RALYL: variants seen among roughly 807,000 people sequenced by gnomAD.
RALYL encodes RNA-binding Raly-like protein.
In RALYL, 29 loss-of-function variants were observed where a neutral mutation model predicts 35.1. That is an observed-to-expected ratio of 0.83 (90% CI 0.61 to 1.13). The LOEUF (loss-of-function observed/expected upper bound fraction) is 1.13, where lower values mean the gene tolerates loss of function less well. RALYL is among the 50% of genes most tolerant of loss of function. RALYL has a pLI of 0.00. For synonymous variants in RALYL, 120 were observed against 127.6 expected (o/e 0.94, Z 0.40); for missense variants, 359 against 360.4 (o/e 1.00, Z 0.03).
chr8:84,356,869 TGGATTCTTGCAAA>T (rs1206938420), intron 1 of RALYL, among the ~76,000 whole-genome samples: 384 of 134,532 alleles, frequency 2.9e-3, no homozygotes, highest in African/African-American at 9.8e-3. Context: ...TTGAGGTAAT[TGGATTCTTGCAAA>T]TATATATATA....
intron 3 of RALYL, among the ~76,000 whole-genome samples, chr8:84,796,617 G>C (rs553155344): frequency 2.0e-5 from 3 of 152,242 alleles, no homozygotes; most frequent in South Asian, 4.1e-4. Context: ...CATTTACCTT[G>C]TAACAAAGCT....
chr8:84,750,932 G>A (rs1027145788), intron 2 of RALYL, among the ~76,000 whole-genome samples: 1 of 152,106 alleles, frequency 6.6e-6, no homozygotes, highest in East Asian at 1.9e-4. Context: ...AACAGAAAAT[G>A]AACTAAGACT....
intron 1 of RALYL, among the ~76,000 whole-genome samples, chr8:84,308,790 A>G (rs182459452): frequency 3.3e-5 from 5 of 152,328 alleles, no homozygotes; most frequent in Admixed American, 2.6e-4. Context: ...GAATTTAACT[A>G]TTGAAAGAAA....
chr8:84,477,349 A>G (rs1329098542), intron 1 of RALYL, among the ~76,000 whole-genome samples: 3 of 143,124 alleles, frequency 2.1e-5, no homozygotes, highest in Non-Finnish European at 3.1e-5. Context: ...GTATCCATCT[A>G]TCTATTGATT....
At chr8:84,701,770 G>A (rs1001332035) in intron 2 of RALYL, among the ~76,000 whole-genome samples, 1 of 152,122 alleles carries the variant, frequency 6.6e-6, no homozygotes, top group African/African-American at 2.4e-5. Context: ...CTGCCGGGAA[G>A]CCAGAAGCCC....
chr8:84,898,426 G>GTGGA (rs1845124837), intron 8 of RALYL, among the ~76,000 whole-genome samples: 1 of 152,266 alleles, frequency 6.6e-6, no homozygotes, highest in Admixed American at 6.5e-5. Flanking sequence ...GTTTCAGAAG[G>GTGGA]TGGAGCCCAG....
chr8:84,481,647 AAAAG>A (rs1159712936), intron 1 of RALYL, among the ~76,000 whole-genome samples: 2 of 152,188 alleles, frequency 1.3e-5, no homozygotes, highest in African/African-American at 2.4e-5. Context: ...TCGGCAATAA[AAAAG>A]AAAGAATAGA....
chr8:84,882,649 T>A (rs1375391671), intron 7 of RALYL, among the ~76,000 whole-genome samples: 1 of 151,978 alleles, frequency 6.6e-6, no homozygotes, highest in African/African-American at 2.4e-5. Context: ...AGGGTCTGAG[T>A]TAGCCACCAG....
intron 1 of RALYL, among the ~76,000 whole-genome samples, chr8:84,353,453 A>G (rs1417030427): frequency 6.7e-6 from 1 of 150,358 alleles, no homozygotes; most frequent in Non-Finnish European, 1.5e-5. Context: ...CACTATTTTC[A>G]ATCACAAGAC....
In RALYL at chr8:84,183,609, T is replaced by G. The variant is rs1019629342; in HGVS notation, c.-839T>G. 2.6e-5 allele frequency: 4 copies of G among 152,464 alleles called. No individual in the cohort carries two copies. The highest frequency in any genetic ancestry group is 9.6e-5 in the African/African-American group (4 of 41,476). 9.4% of individuals were successfully genotyped at this position (152,464 alleles called of 1,614,324 possible). A position where few individuals can be genotyped will look rare whatever the true frequency, so the allele number is the denominator to read the frequency against. On this transcript the variant is annotated 5_prime_UTR_variant, in exon 1 of 9. Transcript: ENST00000521268. ...TACCTTCTCAGTGGCATTCTTGTCCTATTCTTTTTTTTGTCCTTTTTTTTG... is the reference window on the plus strand; with the variant it reads ...TACCTTCTCAGTGGCATTCTTGTCCGATTCTTTTTTTTGTCCTTTTTTTTG...
intron 1 of RALYL, among the ~76,000 whole-genome samples, chr8:84,265,883 A>G (rs567975937): frequency 6.6e-6 from 1 of 152,072 alleles, no homozygotes; most frequent in African/African-American, 2.4e-5. Flanking sequence ...AGTAGTTCCA[A>G]TTCTCATATT....
intron 1 of RALYL, among the ~76,000 whole-genome samples, chr8:84,468,584 C>T (rs1472203945): frequency 1.8e-4 from 27 of 148,204 alleles, no homozygotes; most frequent in Non-Finnish European, 3.1e-4. Context: ...ACATTTTTTC[C>T]TTCATTTCAA....
intron 7 of RALYL, among the ~76,000 whole-genome samples, chr8:84,885,591 A>G (rs761288040): frequency 7.2e-5 from 11 of 152,194 alleles, no homozygotes; most frequent in African/African-American, 2.7e-4. Flanking sequence ...TTTGAACCTA[A>G]TAAGTTGATT....
intron 1 of RALYL, among the ~76,000 whole-genome samples, chr8:84,193,083 T>A (rs1814388890): frequency 6.6e-6 from 1 of 152,152 alleles, no homozygotes; most frequent in Non-Finnish European, 1.5e-5. Flanking sequence ...AAAAATATGT[T>A]TATTGAGGCT....
chr8:84,553,042 A>C (rs117656076), intron 2 of RALYL, among the ~76,000 whole-genome samples: 3,000 of 152,330 alleles, frequency 0.02, 52 homozygotes, highest in Middle Eastern at 0.058. Context: ...ATTATATGGA[A>C]AAATACTTAA....
At chr8:84,828,227 A>T (rs1830125492) in intron 4 of RALYL, among the ~76,000 whole-genome samples, 1 of 152,198 alleles carries the variant, frequency 6.6e-6, no homozygotes, top group Admixed American at 6.6e-5. Context: ...TATTTTTAAA[A>T]ATAAGCAGCA....
At chr8:84,384,745 C>A (rs751427549) in intron 1 of RALYL, among the ~76,000 whole-genome samples, 9 of 151,770 alleles carry the variant, frequency 5.9e-5, no homozygotes, top group Non-Finnish European at 1.2e-4. Context: ...TGTGGATTGA[C>A]ACCAGTCCGT....
At position 84,843,326 on chromosome 8, in the gene RALYL, GACAA is replaced by G. The variant is rs773505546; in HGVS notation, c.366-6650_366-6647del. On this transcript the variant is annotated intron_variant, in intron 4 of 8. Transcript: ENST00000521268. ...CAAGCACTCTTATACACCAATAACA[GACAA>G]ACAGAGGGCCAAATCATGAGTGACC... Among the ~76,000 whole-genome samples the G allele has an allele frequency of 5.3e-5, 8 of 152,176 alleles. No homozygotes were observed. The East Asian group carries it at 7.7e-4, about 15-fold the overall frequency.
intron 1 of RALYL, among the ~76,000 whole-genome samples, chr8:84,359,214 A>G (rs940400335): frequency 6.8e-6 from 1 of 147,914 alleles, no homozygotes; most frequent in African/African-American, 2.5e-5. Flanking sequence ...ACTTTGAACT[A>G]TAGGTATTTA....
Sources: gnomAD v4.1 joint callset for allele counts (sites outside exome capture counted in the v4.1 genomes callset) on GRCh38, gnomAD v4.1.1 for gene constraint, MANE v1.5 for transcripts, NCBI Gene and HGNC (gene_info 2026-07-23, HGNC 2026-07-21) for gene names.